BEND7: variants seen among roughly 807,000 people sequenced by gnomAD.
BEND7 encodes the protein BEN domain containing 7.
Under a neutral mutation model 50.9 loss-of-function variants are expected in BEND7, and 28 were observed. The ratio of observed to expected loss-of-function variants is 0.55; its 90% CI spans 0.41 to 0.75. BEND7 has a LOEUF of 0.75. Ranked by LOEUF, BEND7 falls within the 30% of genes least tolerant of loss-of-function variation. The pLI is 0.00. For missense variants in BEND7, 477 were observed against 491.3 expected, an observed-to-expected ratio of 0.97 and a Z score of 0.28; for synonymous variants, 170 against 183.9, an observed-to-expected ratio of 0.92 and a Z score of 0.61.
chr10:13,479,187 TTAG>T (rs1189053163), intron 6 of BEND7, among the ~76,000 whole-genome samples: 2 of 152,048 alleles, frequency 1.3e-5, no homozygotes, highest in Non-Finnish European at 2.9e-5. Context: ...TTTTTAATTT[TTAG>T]TAGAGACGGG....
At chr10:13,470,604 A>C (rs1360056081) in intron 6 of BEND7, among the ~76,000 whole-genome samples, 1 of 152,146 alleles carries the variant, frequency 6.6e-6, no homozygotes, top group Admixed American at 6.5e-5. Flanking sequence ...TTTGCTCCTT[A>C]TGTAGTAAAC....
chr10:13,439,464 C>G, downstream of BEND7: 1 of 1,612,918 alleles, frequency 6.2e-7, no homozygotes, highest in Non-Finnish European at 8.5e-7. Context: ...TGCACTCCCA[C>G]CCGGCAGAAC....
At chr10:13,519,181 A>G (rs1273566472) in intron 2 of BEND7, among the ~76,000 whole-genome samples, 1 of 151,532 alleles carries the variant, frequency 6.6e-6, no homozygotes, top group African/African-American at 2.4e-5. Context: ...GGAAGAATAG[A>G]TAACTCCTAG....
chr10:13,483,847 T>C (rs531260070), intron 5 of BEND7, among the ~76,000 whole-genome samples: 14 of 152,252 alleles, frequency 9.2e-5, no homozygotes, highest in African/African-American at 3.4e-4. Flanking sequence ...AAGGGGGCTC[T>C]TGGGGCTCAG....
intron 2 of BEND7, among the ~76,000 whole-genome samples, chr10:13,508,217 G>T (rs767713367): frequency 2.0e-5 from 3 of 152,198 alleles, no homozygotes; most frequent in Non-Finnish European, 4.4e-5. Flanking sequence ...AGCCTGCAGG[G>T]ACAACAGCCA....
chr10:13,523,195 A>G (rs766911025), intron 2 of BEND7, among the ~76,000 whole-genome samples: 15 of 152,214 alleles, frequency 9.9e-5, no homozygotes, highest in Non-Finnish European at 2.1e-4. Context: ...GTTTCCTTTC[A>G]AACAGTGCTT....
At chr10:13,480,875 C>T (rs776801812) in intron 6 of BEND7, 24 bp downstream of exon 6, 2 of 1,612,478 alleles carry the variant, frequency 1.2e-6, no homozygotes, top group South Asian at 1.1e-5. Context: ...GAAGAACCCA[C>T]AAAATGAAAT....
At chr10:13,498,684 T>C (rs889761745) in intron 3 of BEND7, among the ~76,000 whole-genome samples, 2 of 152,250 alleles carry the variant, frequency 1.3e-5, no homozygotes, top group African/African-American at 4.8e-5. Flanking sequence ...CCAACCCTTT[T>C]CAGCTTGTTA....
At chr10:13,505,739 G>C (rs1238173453) in intron 2 of BEND7, among the ~76,000 whole-genome samples, 1 of 152,142 alleles carries the variant, frequency 6.6e-6, no homozygotes, top group Non-Finnish European at 1.5e-5. Flanking sequence ...AACTCAAAGA[G>C]TTCCATCCAA....
chr10:13,491,512 T>C (rs190361578), intron 5 of BEND7, among the ~76,000 whole-genome samples: 399 of 151,970 alleles, frequency 2.6e-3, no homozygotes, highest in Non-Finnish European at 3.9e-3. Flanking sequence ...TGTTTTAAAA[T>C]TAAATTTTTA....
intron 8 of BEND7, 104 bp downstream of exon 8, chr10:13,447,162 G>A (rs1798653528): frequency 3.3e-6 from 4 of 1,199,990 alleles, no homozygotes; most frequent in Non-Finnish European, 1.2e-6. Context: ...GAAGCAGTTT[G>A]CTCAAGTGTC....
At chr10:13,469,752 G>T (rs930070170) in intron 6 of BEND7, among the ~76,000 whole-genome samples, 1 of 152,208 alleles carries the variant, frequency 6.6e-6, no homozygotes, top group South Asian at 2.1e-4. Flanking sequence ...TGGGATTACA[G>T]GCATGAGCCA....
At position 13,441,586 on chromosome 10, in the gene BEND7, C is replaced by T; in HGVS notation, c.*157G>A. ...CCACAGTTGGAAGTTAGCGTTTCTGCCTTGACCAGCAACATACTCATCCTA... is the reference window on the plus strand; with the variant it reads ...CCACAGTTGGAAGTTAGCGTTTCTGTCTTGACCAGCAACATACTCATCCTA... On this transcript the variant is annotated 3_prime_UTR_variant, in exon 9 of 9. Transcript: ENST00000466271. 1 of 1,473,260 alleles carries T rather than the reference C, an allele frequency of 6.8e-7. No homozygotes were observed. The highest frequency in any genetic ancestry group is 9.0e-7 in the Non-Finnish European group (1 of 1,111,936). The allele number at this position is 1,473,260 out of a possible 1,614,324, so 91.3% of individuals were successfully genotyped here.
chr10:13,442,497 C>A (rs1056361694), intron 8 of BEND7: 3 of 152,118 alleles, frequency 2.0e-5, no homozygotes, highest in Non-Finnish European at 2.9e-5. Context: ...AAAACAAATA[C>A]CTTCATGGCA....
intron 6 of BEND7, among the ~76,000 whole-genome samples, chr10:13,476,280 A>G (rs573280234): frequency 6.6e-6 from 1 of 152,242 alleles, no homozygotes; most frequent in South Asian, 2.1e-4. Context: ...AAGCGCAGTT[A>G]TTTTTTTGGA....
Position 13,492,628 on chromosome 10 carries a change from C to G in BEND7, c.820G>C (p.Glu274Gln), listed in dbSNP as rs1338838419. 1 of 1,613,992 alleles carries G rather than the reference C, an allele frequency of 6.2e-7. No homozygotes were observed. The highest frequency in any genetic ancestry group is 1.7e-5 in the Admixed American group (1 of 59,950). Reference protein sequence around the residue: ...SRVLGFGIVLESPSSDPEVQL... With the variant: ...SRVLGFGIVLQSPSSDPEVQL... The stretch of plus-strand genomic sequence containing the variant: ...CAACTTACATCTGAGGAAGGTGATT[C>G]CAGAACAATGCCGAATCCTAGAACG... The change falls in exon 5 of 9, where the codon GAA (glutamate) becomes CAA (glutamine). Residue 274 changes from glutamate (E) to glutamine (Q), a missense_variant. This residue lies in a region of BEND7 where 396 missense variants were observed against 384.2 expected (regional missense o/e 1.03). Coordinates refer to ENST00000466271, the MANE Select transcript of BEND7 (RefSeq NM_001369863.1).
At chr10:13,519,873 G>A (rs534075892) in intron 2 of BEND7, among the ~76,000 whole-genome samples, 5 of 152,340 alleles carry the variant, frequency 3.3e-5, no homozygotes, top group South Asian at 4.1e-4. Context: ...AGGAGGCTAG[G>A]ATGGAGAAGG....
chr10:13,448,894 G>A (rs1837046796), intron 7 of BEND7, among the ~76,000 whole-genome samples: 1 of 150,078 alleles, frequency 6.7e-6, no homozygotes, highest in Non-Finnish European at 1.5e-5. Flanking sequence ...AGAATGGTGT[G>A]AACCCGGGAG....
At chr10:13,506,639 A>G (rs773335880) in intron 2 of BEND7, among the ~76,000 whole-genome samples, 3 of 152,180 alleles carry the variant, frequency 2.0e-5, no homozygotes, top group Non-Finnish European at 4.4e-5. Flanking sequence ...CACAAAAACA[A>G]TTCTGGCAAA....
Sources: allele counts gnomAD v4.1 joint callset (sites outside exome capture counted in the v4.1 genomes callset), GRCh38; gene constraint gnomAD v4.1.1; regional missense constraint gnomAD v4.1.1; transcripts MANE v1.5; gene names NCBI Gene and HGNC (gene_info 2026-07-23, HGNC 2026-07-21).